BPTF: variants seen among roughly 807,000 people sequenced by gnomAD.
The protein encoded by BPTF is nucleosome-remodeling factor subunit BPTF.
Under a neutral mutation model 292.5 loss-of-function variants are expected in BPTF, and 18 were observed. The observed-to-expected ratio is 0.06, with a 90% CI of 0.04 to 0.09. BPTF has a LOEUF of 0.09. Among genes scored for constraint, BPTF ranks in the 10% least tolerant of loss-of-function variants. The pLI is 1.00. For synonymous variants in BPTF, 1,225 were observed against 1,251.9 expected, an observed-to-expected ratio of 0.98 and a Z score of 0.45; for missense variants, 2,726 against 3,498.7, an observed-to-expected ratio of 0.78 and a Z score of 5.57.
At chr17:67,933,946 A>G (rs2064669115) in intron 18 of BPTF, among the ~76,000 whole-genome samples, 1 of 151,970 alleles carries the variant, frequency 6.6e-6, no homozygotes. Context: ...TGGGAGGCTG[A>G]GGCAAGAGAA....
At position 67,979,500 on chromosome 17, in the gene BPTF, C is replaced by T. The variant is rs1317021849; in HGVS notation, c.8727-2752C>T. On this transcript the variant is annotated intron_variant, in intron 27 of 27. Coordinates refer to ENST00000306378, the MANE Select transcript of BPTF (RefSeq NM_182641.4). ...CGGAGGTTGCAGTGCACCAAGACCG[C>T]GCCACTGCACTCCAGCCTGGGCCAC... Among the ~76,000 whole-genome samples, 10 of 149,800 alleles carry T rather than the reference C, an allele frequency of 6.7e-5. 1 individual carries two copies. Among genetic ancestry groups the T allele is most frequent in the South Asian group, 4.2e-4 (2 of 4,708 alleles).
At chr17:67,873,487 C>T (rs376456802) in intron 3 of BPTF, among the ~76,000 whole-genome samples, 6 of 151,654 alleles carry the variant, frequency 4.0e-5, no homozygotes, top group South Asian at 4.2e-4. Context: ...AAAGAAAAAC[C>T]GTGTTTCTTC....
intron 1 of BPTF, among the ~76,000 whole-genome samples, chr17:67,843,207 G>A (rs987458705): frequency 5.6e-5 from 7 of 125,392 alleles, no homozygotes; most frequent in Admixed American, 1.8e-4. Flanking sequence ...CATACATGTA[G>A]ATGTATGTAG....
chr17:67,960,384 T>C (rs1188702968), intron 24 of BPTF: 1 of 152,244 alleles, frequency 6.6e-6, no homozygotes, highest in Non-Finnish European at 1.5e-5. Flanking sequence ...CATATTTTTG[T>C]CAAAGTTTCC....
At chr17:67,884,735 T>C (rs1387901072) in intron 4 of BPTF, among the ~76,000 whole-genome samples, 1 of 152,082 alleles carries the variant, frequency 6.6e-6, no homozygotes. Flanking sequence ...ATTTTCTTTG[T>C]TTCTGGGTCT....
At chr17:67,966,422 A>T (rs1275665506) in intron 25 of BPTF, 150 bp from the exon 26 acceptor site, 508 of 641,762 alleles carry the variant, frequency 7.9e-4, no homozygotes, top group Non-Finnish European at 1.2e-3. Flanking sequence ...TTAGGTAACT[A>T]TTACTAGAGC....
intron 20 of BPTF, 140 bp from the exon 21 acceptor site, chr17:67,945,269 C>G (rs1331248945): frequency 3.5e-6 from 5 of 1,437,344 alleles, no homozygotes; most frequent in Non-Finnish European, 4.6e-6. Flanking sequence ...ATCCTCCCAC[C>G]TCAACGTCCC....
intron 7 of BPTF, among the ~76,000 whole-genome samples, chr17:67,895,341 A>G (rs1262518719): frequency 6.6e-6 from 1 of 151,368 alleles, no homozygotes; most frequent in Non-Finnish European, 1.5e-5. Context: ...TCAAAAAAAA[A>G]AAAAAAAAAA....
rs374472902 is a variant in BPTF at position 67,913,177 on chromosome 17, A to G, written c.5293A>G (p.Ile1765Val). The G allele has an allele frequency of 1.2e-5, 19 of 1,600,560 alleles. No individual in the cohort carries two copies. Among genetic ancestry groups the G allele is most frequent in the Middle Eastern group, 1.7e-4 (1 of 6,000 alleles). The change falls in exon 11 of 28, where the codon ATC becomes GTC. Residue 1765 changes from isoleucine to valine, a missense_variant. By Grantham distance (29) the Ile-to-Val change is conservative. Around this residue, in one of 22 missense-constraint regions of BPTF, gnomAD observed 36 missense variants for 34.7 expected, o/e 1.04. Transcript: ENST00000306378. The part of the protein sequence containing the change: ...PYPSPRPTFG[I>V]TWRYRLQTVK... ...TCCTTCTCCTAGACCGACCTTTGGCATCACTTGGAGGTATGTACTTTAAAA... is the reference window on the plus strand; with the variant it reads ...TCCTTCTCCTAGACCGACCTTTGGCGTCACTTGGAGGTATGTACTTTAAAA...
At chr17:67,909,443 T>G (rs2062496188) in intron 9 of BPTF, 139 bp from the exon 10 acceptor site, 2 of 652,436 alleles carry the variant, frequency 3.1e-6, no homozygotes, top group Non-Finnish European at 4.8e-6. Flanking sequence ...CAATAAGACC[T>G]TTGTCTTTTT....
chr17:67,879,798 C>A (rs2060279300), intron 4 of BPTF, among the ~76,000 whole-genome samples: 2 of 152,086 alleles, frequency 1.3e-5, no homozygotes, highest in South Asian at 4.1e-4. Flanking sequence ...CTTTTTCTAA[C>A]AGTCAGCTCT....
At chr17:67,858,555 CAA>C (rs561316267) in intron 2 of BPTF, among the ~76,000 whole-genome samples, 43 of 77,900 alleles carry the variant, frequency 5.5e-4, no homozygotes, top group Admixed American at 6.7e-4. Flanking sequence ...ACTCTGTCTC[CAA>C]AAAAAAAAAA....
chr17:67,837,936 T>G (rs1205533305), intron 1 of BPTF, among the ~76,000 whole-genome samples: 9 of 152,088 alleles, frequency 5.9e-5, no homozygotes, highest in Non-Finnish European at 1.2e-4. Flanking sequence ...GGAAATGGAG[T>G]TCTTCATTGC....
chr17:67,971,546 C>T (rs552682531), intron 26 of BPTF, among the ~76,000 whole-genome samples: 1 of 151,666 alleles, frequency 6.6e-6, no homozygotes, highest in East Asian at 1.9e-4. Context: ...TGGCTCATGC[C>T]TGTAATCCCA....
chr17:67,925,977 T>G (rs189121322), intron 15 of BPTF, among the ~76,000 whole-genome samples: 74 of 146,366 alleles, frequency 5.1e-4, no homozygotes, highest in African/African-American at 1.8e-3. Context: ...CTCTGCAATG[T>G]AACCTAACAT....
At position 67,891,950 on chromosome 17, in the gene BPTF, A is replaced by G. The variant is rs775019975; in HGVS notation, c.1971A>G (p.Pro657=). Residue 657 remains proline, a synonymous_variant, in exon 5 of 28, where the codon CCA becomes CCG. Coordinates refer to ENST00000306378, the MANE Select transcript of BPTF (RefSeq NM_182641.4). ...STRIITRLRN[P]DSKLSQLKSQ... is the part of the protein sequence containing the mutation. ...GAATCATCACCAGATTGCGGAATCC[A>G]GATAGCAAACTTAGTCAGCTGAAGA... 1.6e-5 allele frequency: 26 copies of G among 1,612,906 alleles called. No individual in the cohort carries two copies. Among genetic ancestry groups the G allele is most frequent in the Non-Finnish European group, 1.9e-5 (23 of 1,179,618 alleles).
intron 2 of BPTF, among the ~76,000 whole-genome samples, chr17:67,857,782 C>CTTTTT (rs35999365): frequency 5.3e-4 from 55 of 103,450 alleles, no homozygotes; most frequent in Non-Finnish European, 6.7e-4. Context: ...ATATTTCTTT[C>CTTTTT]TTTTTTTTTT....
chr17:67,918,902 G>A (rs1568071315), intron 12 of BPTF, 64 bp downstream of exon 12: 1 of 1,550,942 alleles, frequency 6.4e-7, no homozygotes. Context: ...GCCAGGCGTG[G>A]GCGCTCATGC....
Position 67,945,598 on chromosome 17 carries a change from C to G in BPTF, c.6890C>G (p.Pro2297Arg), listed in dbSNP as rs868995066. 1 of 1,612,682 alleles carries G rather than the reference C, an allele frequency of 6.2e-7. No homozygotes were observed. The highest frequency in any genetic ancestry group is 1.6e-4 in the Middle Eastern group (1 of 6,062). ...GCTCAGCCTGAAGTTCAGACTCAGC[C>G]TGAAGTTCAGACCCAAACAACTGTT... ...SPAQPEVQTQ[P>R]EVQTQTTVSS... Residue 2297 changes from proline (P) to arginine (R), a missense_variant, in exon 21 of 28, where the codon CCT (proline) becomes CGT (arginine). Physicochemically the swap from Pro to Arg is moderately radical, Grantham distance 103. Around this residue, in one of 22 missense-constraint regions of BPTF, gnomAD observed 570 missense variants for 633.5 expected, o/e 0.90. Coordinates refer to ENST00000306378, the MANE Select transcript of BPTF (RefSeq NM_182641.4).
Sources: gnomAD v4.1 joint callset for allele counts (sites outside exome capture counted in the v4.1 genomes callset) on GRCh38, gnomAD v4.1.1 for gene constraint, gnomAD v4.1.1 regional missense constraint, MANE v1.5 for transcripts, NCBI Gene and HGNC (gene_info 2026-07-23, HGNC 2026-07-21) for gene names.